NALF1: variants seen among roughly 807,000 people sequenced by gnomAD.
NALF1 encodes family with sequence similarity 155 member A.
In NALF1, 3 loss-of-function variants were observed where a neutral mutation model predicts 48.4. That is an observed-to-expected ratio of 0.06 (90% CI 0.03 to 0.16). The LOEUF (loss-of-function observed/expected upper bound fraction) is 0.16. Ranked by LOEUF, NALF1 falls within the 10% of genes least tolerant of loss-of-function variation. The probability of loss-of-function intolerance (pLI) is 1.00; values close to 1 mark genes in which losing one functional copy is unlikely to be tolerated. For synonymous variants in NALF1, 262 were observed against 245.7 expected (o/e 1.07, Z -0.62); for missense variants, 526 against 571.5 (o/e 0.92, Z 0.81).
At chr13:107,776,995 G>T (rs897818901) in intron 1 of NALF1, among the ~76,000 whole-genome samples, 5 of 152,012 alleles carry the variant, frequency 3.3e-5, no homozygotes, top group South Asian at 2.1e-4. Context: ...GGGAGACTGA[G>T]GGGGGGAAGA....
At chr13:107,376,761 C>A (rs1045773511) in intron 1 of NALF1, among the ~76,000 whole-genome samples, 1 of 152,186 alleles carries the variant, frequency 6.6e-6, no homozygotes, top group South Asian at 2.1e-4. Context: ...GTAACCCACA[C>A]ATATCCTAGT....
At chr13:107,444,382 A>G (rs1594066390) in intron 1 of NALF1, among the ~76,000 whole-genome samples, 2 of 152,324 alleles carry the variant, frequency 1.3e-5, no homozygotes, top group Middle Eastern at 3.4e-3. Context: ...TTTGTTGTCC[A>G]CAAATATCAG....
chr13:107,775,870 T>A (rs940466943), intron 1 of NALF1, among the ~76,000 whole-genome samples: 1 of 152,184 alleles, frequency 6.6e-6, no homozygotes, highest in South Asian at 2.1e-4. Flanking sequence ...ATAATACCTC[T>A]GAGGTTAGTT....
intron 1 of NALF1, among the ~76,000 whole-genome samples, chr13:107,497,810 G>A (rs912217471): frequency 1.3e-5 from 2 of 152,110 alleles, no homozygotes; most frequent in African/African-American, 2.4e-5. Flanking sequence ...CTGGTAGACG[G>A]AGGCATTTAA....
intron 1 of NALF1, among the ~76,000 whole-genome samples, chr13:107,605,416 T>A (rs975388286): frequency 1.1e-4 from 17 of 152,190 alleles, no homozygotes; most frequent in African/African-American, 4.1e-4. Flanking sequence ...GGTTAACTAA[T>A]TCGGGACTTG....
intron 1 of NALF1, among the ~76,000 whole-genome samples, chr13:107,385,138 A>G (rs1388749518): frequency 6.6e-6 from 1 of 152,230 alleles, no homozygotes; most frequent in African/African-American, 2.4e-5. Context: ...GATTTCAAAA[A>G]TCTCTAAAGC....
chr13:107,790,103 C>A (rs1333766682), intron 1 of NALF1, among the ~76,000 whole-genome samples: 1 of 152,134 alleles, frequency 6.6e-6, no homozygotes, highest in Non-Finnish European at 1.5e-5. Context: ...ATTTAGGAAA[C>A]TAGAGTGGTT....
intron 1 of NALF1, among the ~76,000 whole-genome samples, chr13:107,268,805 A>G (rs1881095799): frequency 6.6e-6 from 1 of 152,182 alleles, no homozygotes; most frequent in South Asian, 2.1e-4. Flanking sequence ...GCACGAATAA[A>G]AGTTTCATTT....
At chr13:107,191,263 T>TAA (rs10717792) in intron 2 of NALF1, among the ~76,000 whole-genome samples, 3 of 146,442 alleles carry the variant, frequency 2.0e-5, no homozygotes, top group East Asian at 4.0e-4. Flanking sequence ...CACTAAATAG[T>TAA]AAAAAAAAAA....
chr13:107,409,324 G>A (rs1372415390), intron 1 of NALF1, among the ~76,000 whole-genome samples: 16 of 152,174 alleles, frequency 1.1e-4, no homozygotes, highest in Admixed American at 1.0e-3. Flanking sequence ...TGAGTTTGTG[G>A]TCTTGGGAAG....
chr13:107,838,434 T>A (rs1879961251), intron 1 of NALF1, among the ~76,000 whole-genome samples: 1 of 152,192 alleles, frequency 6.6e-6, no homozygotes, highest in Non-Finnish European at 1.5e-5. Context: ...TTTCCTGTAA[T>A]CGCTTACACT....
At chr13:107,739,211 C>A (rs544197385) in intron 1 of NALF1, among the ~76,000 whole-genome samples, 1 of 151,720 alleles carries the variant, frequency 6.6e-6, no homozygotes, top group Non-Finnish European at 1.5e-5. Flanking sequence ...CTAAGGTATG[C>A]GGGGCTTAAA....
Position 107,536,236 on chromosome 13 carries a change from T to C in NALF1, c.916-325481A>G, listed in dbSNP as rs191958958. ...GCCAAAATTGACAAATGGGATCTAA[T>C]TAAACTAAAGAGCTCCTGCACAGCA... On this transcript the variant is annotated intron_variant, in intron 1 of 2. Transcript: ENST00000375915. Among the ~76,000 whole-genome samples the C allele has an allele frequency of 3.3e-3, 498 of 152,216 alleles. 2 individuals carry two copies. The highest frequency in any genetic ancestry group is 0.012 in the African/African-American group (480 of 41,536).
At chr13:107,289,945 G>A (rs866983606) in intron 1 of NALF1, among the ~76,000 whole-genome samples, 5 of 152,178 alleles carry the variant, frequency 3.3e-5, no homozygotes, top group South Asian at 2.1e-4. Context: ...GTTCAACTGT[G>A]AGAACCTGTT....
intron 1 of NALF1, among the ~76,000 whole-genome samples, chr13:107,769,105 G>C (rs1466610380): frequency 6.9e-6 from 1 of 145,970 alleles, no homozygotes; most frequent in African/African-American, 2.5e-5. Context: ...CTGTAAACTA[G>C]TTCAACCATT....
At chr13:107,178,158 G>C (rs1441356930) in intron 2 of NALF1, among the ~76,000 whole-genome samples, 3 of 152,166 alleles carry the variant, frequency 2.0e-5, no homozygotes, top group African/African-American at 7.2e-5. Flanking sequence ...AATTTCTTGA[G>C]TAATACTCTA....
At chr13:107,838,352 T>C (rs984334096) in intron 1 of NALF1, among the ~76,000 whole-genome samples, 6 of 152,190 alleles carry the variant, frequency 3.9e-5, no homozygotes, top group Non-Finnish European at 8.8e-5. Flanking sequence ...CCGCTATGCA[T>C]TCCTTTTCCT....
At chr13:107,854,767 G>A (rs543343021) in intron 1 of NALF1, among the ~76,000 whole-genome samples, 4 of 151,866 alleles carry the variant, frequency 2.6e-5, no homozygotes, top group South Asian at 2.1e-4. Flanking sequence ...CCAGCTACTC[G>A]GGAGGCTGAC....
intron 1 of NALF1, among the ~76,000 whole-genome samples, chr13:107,780,805 G>A (rs1048986522): frequency 2.6e-5 from 4 of 152,086 alleles, no homozygotes; most frequent in Non-Finnish European, 4.4e-5. Flanking sequence ...TAAAGTGCTA[G>A]GCAATGATGA....
Sources: gnomAD v4.1 joint callset for allele counts (sites outside exome capture counted in the v4.1 genomes callset) on GRCh38, gnomAD v4.1.1 for gene constraint, MANE v1.5 for transcripts, NCBI Gene and HGNC (gene_info 2026-07-23, HGNC 2026-07-21) for gene names.